CTNNA2: variants seen among roughly 807,000 people sequenced by gnomAD.
CTNNA2 encodes the protein catenin alpha 2.
In CTNNA2, 42 loss-of-function variants were observed where a neutral mutation model predicts 101.0. The observed-to-expected ratio is 0.42, with a 90% CI of 0.32 to 0.54. The LOEUF (loss-of-function observed/expected upper bound fraction) is 0.54. Among genes scored for constraint, CTNNA2 ranks in the 20% least tolerant of loss-of-function variants. The pLI is 0.14. For missense variants in CTNNA2, 871 were observed against 1,223.1 expected (o/e 0.71, Z 4.29); for synonymous variants, 450 against 456.4 (o/e 0.99, Z 0.18).
chr2:80,410,332 T>C (rs1174049606), intron 8 of CTNNA2, among the ~76,000 whole-genome samples: 1 of 152,244 alleles, frequency 6.6e-6, no homozygotes, highest in Non-Finnish European at 1.5e-5. Context: ...TATGATCTAT[T>C]GACTGCATTC....
In CTNNA2 at chr2:79,213,200, A is replaced by G. The variant is rs1674199317; in HGVS notation, c.-406+15124A>G. Among the ~76,000 whole-genome samples the G allele has an allele frequency of 1.3e-5, 2 of 152,168 alleles. 1 individual carries two copies. The highest frequency in any genetic ancestry group is 4.1e-4 in the South Asian group (2 of 4,830). ...AAGTTGGAATGCTAGCTGCTTTTTT[A>G]GCTATCTTATCAGCATAAGCATTGT... On this transcript the variant is annotated intron_variant, in intron 2 of 21. Transcript: ENST00000466387.
At chr2:79,719,927 T>C (rs1347825188) in intron 2 of CTNNA2, among the ~76,000 whole-genome samples, 1 of 152,198 alleles carries the variant, frequency 6.6e-6, no homozygotes, top group African/African-American at 2.4e-5. Context: ...TTTGTTTTTG[T>C]TGCAATCACT....
intron 3 of CTNNA2, among the ~76,000 whole-genome samples, chr2:79,794,439 T>C (rs974209228): frequency 2.0e-5 from 3 of 152,202 alleles, no homozygotes; most frequent in East Asian, 3.9e-4. Context: ...GCTGTACATA[T>C]ATAATGTATA....
chr2:79,491,532 C>T (rs1423375933), intron 4 of CTNNA2, among the ~76,000 whole-genome samples: 1 of 152,174 alleles, frequency 6.6e-6, no homozygotes, highest in Non-Finnish European at 1.5e-5. Context: ...GGCCTTTAAA[C>T]AATCCCTGGA....
At chr2:79,735,644 A>G (rs2104942883) in intron 2 of CTNNA2, among the ~76,000 whole-genome samples, 1 of 152,364 alleles carries the variant, frequency 6.6e-6, no homozygotes, top group South Asian at 2.1e-4. Context: ...AGTTGAGGGT[A>G]CGTCTACAAT....
intron 5 of CTNNA2, among the ~76,000 whole-genome samples, chr2:79,872,832 T>G (rs1682695998): frequency 6.7e-6 from 1 of 150,144 alleles, no homozygotes; most frequent in Non-Finnish European, 1.5e-5. Flanking sequence ...GCTTTACTGA[T>G]GTTTTCCAGC....
rs191470034 is a variant in CTNNA2 at position 80,209,907 on chromosome 2, G to A, written c.1057-183304G>A. Among the ~76,000 whole-genome samples the A allele has an allele frequency of 2.6e-5, 4 of 152,158 alleles. No individual in the cohort carries two copies. The East Asian group carries it at 5.8e-4, about 22-fold the overall frequency. On this transcript the variant is annotated intron_variant, in intron 7 of 18. Transcript: ENST00000402739. ...AATATTGGTATGCTTATTACATAAC[G>A]TTCAAATATTACAGAAAAGCCTAAT...
chr2:80,590,498 T>A (rs1206650014), intron 15 of CTNNA2, among the ~76,000 whole-genome samples: 1 of 152,196 alleles, frequency 6.6e-6, no homozygotes, highest in Non-Finnish European at 1.5e-5. Flanking sequence ...GCATTTGTTA[T>A]TGAAATAATG....
At chr2:80,055,985 G>A (rs1406305691) in intron 7 of CTNNA2, among the ~76,000 whole-genome samples, 1 of 152,190 alleles carries the variant, frequency 6.6e-6, no homozygotes, top group Non-Finnish European at 1.5e-5. Context: ...GTGTTTAGCT[G>A]TGGATGGCTG....
In CTNNA2 at chr2:80,363,086, T is replaced by C. The variant is rs145683393; in HGVS notation, c.1057-30125T>C. 2.9e-3 allele frequency among the ~76,000 whole-genome samples: 448 copies of C among 151,874 alleles called. 1 individual carries two copies. The highest frequency in any genetic ancestry group is 5.7e-3 in the Non-Finnish European group (387 of 67,982). ...TTCATCTAGATATATTTTTCAGAAA[T>C]TGTATTTTTATAAAGACATGTCCTA... is the stretch of plus-strand genomic sequence containing the variant. On this transcript the variant is annotated intron_variant, in intron 7 of 18. Transcript: ENST00000402739.
intron 3 of CTNNA2, among the ~76,000 whole-genome samples, chr2:79,360,950 T>C (rs1677614014): frequency 6.6e-6 from 1 of 152,142 alleles, no homozygotes; most frequent in South Asian, 2.1e-4. Context: ...GCTACCACCA[T>C]CTGTATTGTC....
intron 2 of CTNNA2, among the ~76,000 whole-genome samples, chr2:79,708,747 C>A (rs1558860185): frequency 6.6e-6 from 1 of 152,038 alleles, no homozygotes; most frequent in African/African-American, 2.4e-5. Context: ...ATATACCTGT[C>A]TTTTTAATGA....
intron 7 of CTNNA2, among the ~76,000 whole-genome samples, chr2:79,948,457 C>T (rs570056691): frequency 2.0e-5 from 3 of 152,318 alleles, no homozygotes; most frequent in African/African-American, 4.8e-5. Context: ...ATGATAGTAC[C>T]TACCTCGTAG....
intron 7 of CTNNA2, among the ~76,000 whole-genome samples, chr2:80,129,615 A>G (rs1702307829): frequency 6.6e-6 from 1 of 152,162 alleles, no homozygotes; most frequent in African/African-American, 2.4e-5. Flanking sequence ...CACCACTGTT[A>G]GTGAATTTTT....
intron 3 of CTNNA2, among the ~76,000 whole-genome samples, chr2:79,325,391 T>C (rs986500330): frequency 4.6e-5 from 7 of 152,180 alleles, no homozygotes; most frequent in South Asian, 2.1e-4. Context: ...TTCCAAGAGT[T>C]CGTACAAAAA....
chr2:79,725,620 A>C (rs1451611470), intron 2 of CTNNA2, among the ~76,000 whole-genome samples: 1 of 152,162 alleles, frequency 6.6e-6, no homozygotes. Flanking sequence ...GGATCAATAA[A>C]ATCTAATCAT....
At chr2:79,798,003 C>T (rs1230217291) in intron 3 of CTNNA2, among the ~76,000 whole-genome samples, 1 of 152,024 alleles carries the variant, frequency 6.6e-6, no homozygotes, top group African/African-American at 2.4e-5. Flanking sequence ...TATGTATATT[C>T]CCTGATAGAT....
intron 2 of CTNNA2, among the ~76,000 whole-genome samples, chr2:79,742,006 G>T (rs1488676028): frequency 6.6e-6 from 1 of 152,012 alleles, no homozygotes; most frequent in African/African-American, 2.4e-5. Context: ...CCACCCATGA[G>T]TACATGAGAG....
chr2:80,580,133 G>A (rs1695401297), intron 13 of CTNNA2, among the ~76,000 whole-genome samples: 1 of 152,122 alleles, frequency 6.6e-6, no homozygotes, highest in Admixed American at 6.6e-5. Context: ...TTTCCTACCT[G>A]GAAAATGGAG....
Sources: allele counts gnomAD v4.1 joint callset (sites outside exome capture counted in the v4.1 genomes callset), GRCh38; gene constraint gnomAD v4.1.1; transcripts MANE v1.5; gene names NCBI Gene and HGNC (gene_info 2026-07-23, HGNC 2026-07-21).